TG: variants seen among roughly 807,000 people sequenced by gnomAD.
TG encodes the protein thyroid hormones.
In TG, 270 loss-of-function variants were observed where a neutral mutation model predicts 324.7. The observed-to-expected ratio is 0.83, with a 90% CI of 0.75 to 0.92. The LOEUF is 0.92. Among genes scored for constraint, TG ranks in the 40% least tolerant of loss-of-function variants. The probability of loss-of-function intolerance (pLI) is 0.00; values close to 1 mark genes in which losing one functional copy is unlikely to be tolerated. For synonymous variants in TG, 1,401 were observed against 1,327.0 expected, an observed-to-expected ratio of 1.06 and a Z score of -1.21; for missense variants, 3,591 against 3,456.4, an observed-to-expected ratio of 1.04 and a Z score of -0.98.
At position 132,868,164 on chromosome 8, in the gene TG, A is replaced by G. The variant is rs140632677; in HGVS notation, c.117A>G (p.Glu39=). 6 of 1,614,126 alleles carry G rather than the reference A, an allele frequency of 3.7e-6. No homozygotes were observed. The African/African-American group carries it at 8.0e-5, about 22-fold the overall frequency. The change falls in exon 2 of 48, where the codon GAA becomes GAG. Residue 39 remains glutamate, a synonymous_variant. Transcript: ENST00000220616. ...QPLRPCELQR[E]TAFLKQADYV... is the part of the protein sequence containing the mutation. The stretch of plus-strand genomic sequence containing the variant: ...TTCGTCCCTGTGAGCTGCAGAGGGA[A>G]ACGGCCTTTCTGAAGCAAGCAGACT...
chr8:132,973,333 G>A (rs921378181), intron 34 of TG, among the ~76,000 whole-genome samples: 9 of 152,122 alleles, frequency 5.9e-5, no homozygotes, highest in African/African-American at 2.2e-4. Context: ...GACAACCAAT[G>A]TGTATTTGAC....
intron 35 of TG, among the ~76,000 whole-genome samples, chr8:133,005,931 G>A (rs972710952): frequency 5.3e-5 from 8 of 152,072 alleles, no homozygotes; most frequent in African/African-American, 1.9e-4. Context: ...CTTTCCTCTC[G>A]GCTCACCTCT....
chr8:132,897,048 A>G (rs2132254935), intron 11 of TG, among the ~76,000 whole-genome samples: 1 of 152,262 alleles, frequency 6.6e-6, no homozygotes, highest in South Asian at 2.1e-4. Context: ...ATCTGATATG[A>G]TTTTTGTGGA....
chr8:132,996,940 G>A (rs1157230549), intron 35 of TG, among the ~76,000 whole-genome samples: 1 of 152,196 alleles, frequency 6.6e-6, no homozygotes, highest in Non-Finnish European at 1.5e-5. Flanking sequence ...ACTAATGAGA[G>A]ATGAAGTTGG....
chr8:133,051,091 G>A (rs899202085), intron 41 of TG, among the ~76,000 whole-genome samples: 4 of 152,224 alleles, frequency 2.6e-5, no homozygotes, highest in African/African-American at 9.6e-5. Flanking sequence ...TCTGCAGGGT[G>A]TGCGTACGAG....
chr8:132,874,778 C>T (rs1394012803), intron 5 of TG, among the ~76,000 whole-genome samples: 1 of 152,200 alleles, frequency 6.6e-6, no homozygotes, highest in Non-Finnish European at 1.5e-5. Context: ...CAACCTAAAA[C>T]ACACAATTCT....
intron 18 of TG, among the ~76,000 whole-genome samples, chr8:132,908,803 G>A (rs1307878147): frequency 6.6e-6 from 1 of 152,180 alleles, no homozygotes; most frequent in Non-Finnish European, 1.5e-5. Flanking sequence ...GGTGAGATGA[G>A]AGGGGTTTTT....
chr8:133,017,940 G>T lies in TG; in HGVS notation c.6725G>T (p.Arg2242Leu). 1 of 1,614,184 alleles carries T rather than the reference G, an allele frequency of 6.2e-7. No individual in the cohort carries two copies. Residue 2242 changes from arginine (R) to leucine (L), a missense_variant, in exon 38 of 48, where the codon CGC becomes CTC. By Grantham distance (102) the Arg-to-Leu change is moderately radical. Transcript: ENST00000220616. ...PYAAPPLAER[R>L]FQAPEPLNWT... ...GCTGCCCCGCCCCTGGCAGAGAGGC[G>T]CTTCCAGGCACCAGAGCCCTTGAAC...
intron 5 of TG, among the ~76,000 whole-genome samples, chr8:132,881,319 TTG>T (rs1439721232): frequency 6.6e-6 from 1 of 152,218 alleles, no homozygotes; most frequent in Non-Finnish European, 1.5e-5. Context: ...CTGTATTGAT[TTG>T]TGTTTTTTTT....
intron 45 of TG, among the ~76,000 whole-genome samples, chr8:133,121,827 A>G (rs1400852355): frequency 2.0e-5 from 3 of 152,186 alleles, no homozygotes; most frequent in Non-Finnish European, 4.4e-5. Flanking sequence ...CCCTGTGTAG[A>G]TGTCTCCTCT....
rs111686161 is a variant in TG at position 133,038,783 on chromosome 8, G to T, written c.7239+8760G>T. ...CAGTAGAGAAAGGGAAAAAAAGAGA[G>T]TCATAGAGAGAGGAGGAGATAAAGG... On this transcript the variant is annotated intron_variant, in intron 41 of 47. Coordinates refer to ENST00000220616, the MANE Select transcript of TG (RefSeq NM_003235.5). 168 of 1,355,218 alleles carry T rather than the reference G, an allele frequency of 1.2e-4. 1 individual carries two copies. The African/African-American group carries it at 2.0e-3, about 16-fold the overall frequency. 83.9% of individuals were successfully genotyped at this position (1,355,218 alleles called of 1,614,324 possible). A position where few individuals can be genotyped will look rare whatever the true frequency, so the allele number is the denominator to read the frequency against.
intron 39 of TG, among the ~76,000 whole-genome samples, chr8:133,020,059 TG>T (rs1173827258): frequency 2.0e-5 from 3 of 152,170 alleles, no homozygotes; most frequent in Non-Finnish European, 4.4e-5. Context: ...ATCAATTGAT[TG>T]ACAGAAAAAT....
intron 41 of TG, among the ~76,000 whole-genome samples, chr8:133,086,795 T>A (rs144923509): frequency 6.6e-6 from 1 of 152,302 alleles, no homozygotes; most frequent in East Asian, 1.9e-4. Flanking sequence ...ATTGTTATGT[T>A]CCTTACAGAT....
intron 5 of TG, among the ~76,000 whole-genome samples, chr8:132,881,445 A>G (rs778094349): frequency 6.6e-6 from 1 of 152,200 alleles, no homozygotes; most frequent in Non-Finnish European, 1.5e-5. Flanking sequence ...ATCTCCCAAA[A>G]TGAGATAATC....
At chr8:133,026,685 C>T (rs1277884591) in intron 40 of TG, among the ~76,000 whole-genome samples, 1 of 152,136 alleles carries the variant, frequency 6.6e-6, no homozygotes, top group Non-Finnish European at 1.5e-5. Context: ...CGGCTGCCAA[C>T]GGTAACCACA....
chr8:132,963,670 A>AGTGTGTGTGTGT (rs57531255), intron 29 of TG, among the ~76,000 whole-genome samples: 1 of 145,080 alleles, frequency 6.9e-6, no homozygotes, highest in African/African-American at 2.6e-5. Flanking sequence ...TGTGGTCTGC[A>AGTGTGTGTGTGT]GTGTGTGTGT....
chr8:133,130,932 AG>A (rs1341479267), intron 45 of TG, among the ~76,000 whole-genome samples: 3 of 152,040 alleles, frequency 2.0e-5, no homozygotes, highest in African/African-American at 4.8e-5. Context: ...AAGAAAGAGG[AG>A]GGGGGCCCCT....
At position 132,893,850 on chromosome 8, in the gene TG, G is replaced by A. The variant is rs748636258; in HGVS notation, c.2922G>A (p.Pro974=). ...RLRNEDLGLP[P]LFPPREAFAE... ...GGAATGAGGACCTCGGCCTTCCTCC[G>A]CTCTTCCCGCCCCGGGAGGCTTTCG... Residue 974 remains proline (P), a synonymous_variant, in exon 11 of 48, where the codon CCG becomes CCA. Transcript: ENST00000220616. 7 of 1,614,018 alleles carry A rather than the reference G, an allele frequency of 4.3e-6. No homozygotes were observed. Among genetic ancestry groups the A allele is most frequent in the East Asian group, 2.2e-5 (1 of 44,886 alleles).
chr8:132,964,188 C>T (rs1828193129), intron 29 of TG, among the ~76,000 whole-genome samples: 1 of 152,036 alleles, frequency 6.6e-6, no homozygotes. Context: ...CATCATCACA[C>T]ACTACTTTAG....
Sources: gnomAD v4.1 joint callset for allele counts (sites outside exome capture counted in the v4.1 genomes callset) on GRCh38, gnomAD v4.1.1 for gene constraint, MANE v1.5 for transcripts, NCBI Gene and HGNC (gene_info 2026-07-23, HGNC 2026-07-21) for gene names.